Variants in C16orf95 observed in about 807,000 individuals in gnomAD.
C16orf95 encodes the protein uncharacterized protein C16orf95.
In C16orf95, 41 loss-of-function variants were observed where a neutral mutation model predicts 32.1. That is an observed-to-expected ratio of 1.28 (90% CI 1.00 to 1.66). C16orf95 has a LOEUF of 1.66. Ranked by LOEUF, C16orf95 falls within the 40% of genes most tolerant of loss-of-function variation. C16orf95 has a pLI of 0.00. For synonymous variants in C16orf95, 147 were observed against 128.9 expected (o/e 1.14, Z -0.95); for missense variants, 399 against 325.9 (o/e 1.22, Z -1.73).
At chr16:87,313,633 G>T (rs1390104726) in intron 3 of C16orf95, among the ~76,000 whole-genome samples, 1 of 152,114 alleles carries the variant, frequency 6.6e-6, no homozygotes, top group East Asian at 1.9e-4. Context: ...TACTTGGGGG[G>T]TGAGGGGGGA....
rs142939427 is a variant in C16orf95, at chr16:87,303,443, G to A, written c.702-368C>T. ...AAGCCCACCCTCTCCCCCCACCCCC[G>A]GCTGCTGTAGCACATCTCTCCAGGC... On this transcript the variant is annotated intron_variant, in intron 6 of 6. Coordinates refer to ENST00000567970, the MANE Select transcript of C16orf95 (RefSeq NM_001195124.3). 2.4e-3 allele frequency: 540 copies of A among 227,830 alleles called. 5 individuals are homozygous for A. The highest frequency in any genetic ancestry group is 0.012 in the African/African-American group (524 of 45,386). The allele number at this position is 227,830 out of a possible 1,614,324, so 14.1% of individuals were successfully genotyped here.
rs529458654 is a variant in C16orf95 at position 87,313,167 on chromosome 16, A to G, written c.330+1804T>C. 2.0e-5 allele frequency among the ~76,000 whole-genome samples: 3 copies of G among 151,600 alleles called. No homozygotes were observed. The Admixed American group carries it at 2.0e-4, about 10-fold the overall frequency. ...AGGGTACTTTTGTAGAAACTGACAA[A>G]CTGATTCTAAAATTCACATGGAAAT... On this transcript the variant is annotated intron_variant, in intron 3 of 6. Coordinates refer to ENST00000567970, the MANE Select transcript of C16orf95 (RefSeq NM_001195124.3).
At position 87,311,242 on chromosome 16, in the gene C16orf95, G is replaced by C. The variant is rs1038489379; in HGVS notation, c.385C>G (p.Leu129Val). 2 of 1,535,868 alleles carry C rather than the reference G, an allele frequency of 1.3e-6. No homozygotes were observed. The highest frequency in any genetic ancestry group is 1.7e-6 in the Non-Finnish European group (2 of 1,146,680). The change falls in exon 4 of 7, where the codon CTA becomes GTA. Residue 129 changes from leucine (L) to valine (V), a missense_variant. Physicochemically the swap from Leu to Val is conservative, Grantham distance 32. Transcript: ENST00000567970. ...IPQTAKMCPC[L>V]CHRFGGRLPM... ...AGGCGGCCCCCAAAGCGGTGGCATA[G>C]GCAGGGGCACATCTTGGCGGTTTGG...
intron 4 of C16orf95, among the ~76,000 whole-genome samples, 155 bp from the exon 5 acceptor site, chr16:87,310,488 G>A (rs980173527): frequency 3.9e-5 from 6 of 152,210 alleles, no homozygotes; most frequent in African/African-American, 1.4e-4. Context: ...TCTTTTCTCT[G>A]AGGACAGCCT....
At chr16:87,304,204 C>G (rs1378126284) in intron 6 of C16orf95, among the ~76,000 whole-genome samples, 1 of 152,104 alleles carries the variant, frequency 6.6e-6, no homozygotes, top group Non-Finnish European at 1.5e-5. Flanking sequence ...GAGATGGGGT[C>G]TCACTATGTT....
At position 87,317,141 on chromosome 16, in the gene C16orf95, C is replaced by A; in HGVS notation, c.102G>T (p.Gly34=). Residue 34 remains glycine (G), a synonymous_variant, in exon 1 of 7, where the codon GGG becomes GGT. Coordinates refer to ENST00000567970, the MANE Select transcript of C16orf95 (RefSeq NM_001195124.3). ...SGAAAGGPGA[G]CVGLCRLALT... ...GTGCCAACCTGCAGAGCCCGACGCACCCCGCGCCCGGCCCCCCGGCAGCAG... is the reference window on the plus strand; with the variant it reads ...GTGCCAACCTGCAGAGCCCGACGCAACCCGCGCCCGGCCCCCCGGCAGCAG... 2 of 1,534,248 alleles carry A rather than the reference C, an allele frequency of 1.3e-6. No individual in the cohort carries two copies. Among genetic ancestry groups the A allele is most frequent in the South Asian group, 2.4e-5 (2 of 83,768 alleles).
intron 5 of C16orf95, among the ~76,000 whole-genome samples, chr16:87,308,732 C>A (rs1218315462): frequency 1.3e-5 from 2 of 152,178 alleles, no homozygotes; most frequent in Non-Finnish European, 2.9e-5. Flanking sequence ...TACAATTCTT[C>A]AAAGAAATGT....
intron 3 of C16orf95, among the ~76,000 whole-genome samples, chr16:87,312,950 G>A (rs1353443675): frequency 6.6e-6 from 1 of 151,994 alleles, no homozygotes; most frequent in South Asian, 2.1e-4. Context: ...AATACTTATG[G>A]GTAAATCTGA....
At position 87,317,135 on chromosome 16, in the gene C16orf95, G is replaced by C. The variant is rs1195372329; in HGVS notation, c.108C>G (p.Val36=). Residue 36 remains valine (V), a synonymous_variant, in exon 1 of 7, where the codon GTC becomes GTG. Coordinates refer to ENST00000567970, the MANE Select transcript of C16orf95 (RefSeq NM_001195124.3). ...GTGTGAGTGCCAACCTGCAGAGCCC[G>C]ACGCACCCCGCGCCCGGCCCCCCGG... ...AAAGGPGAGC[V]GLCRLALTPS... is the part of the protein sequence containing the mutation. The C allele has an allele frequency of 6.5e-7, 1 of 1,533,952 alleles. No homozygotes were observed. The highest frequency in any genetic ancestry group is 8.7e-7 in the Non-Finnish European group (1 of 1,145,774).
intron 1 of C16orf95, 46 bp from the exon 2 acceptor site, chr16:87,315,869 G>C: frequency 6.9e-7 from 1 of 1,449,876 alleles, no homozygotes. Flanking sequence ...TAAACTAGGG[G>C]GCAGGGATGC....
At chr16:87,317,041 T>A in intron 1 of C16orf95, 50 bp downstream of exon 1, 1 of 1,463,636 alleles carries the variant, frequency 6.8e-7, no homozygotes, top group South Asian at 1.3e-5. Flanking sequence ...GGCCGGGAAC[T>A]CACAGGCGAG....
chr16:87,314,656 T>A (rs1904304319), intron 3 of C16orf95, among the ~76,000 whole-genome samples: 1 of 152,112 alleles, frequency 6.6e-6, no homozygotes, highest in Non-Finnish European at 1.5e-5. Context: ...CACGTGCAGT[T>A]TATCACATGC....
At chr16:87,310,160 G>T (rs1417193789) in intron 5 of C16orf95, 137 bp downstream of exon 5, 1 of 890,000 alleles carries the variant, frequency 1.1e-6, no homozygotes, top group Non-Finnish European at 1.8e-6. Flanking sequence ...GCAGGGGAAG[G>T]GAAGCCACAT....
At chr16:87,303,124 C>T in intron 6 of C16orf95, 49 bp from the exon 7 acceptor site, 1 of 1,532,686 alleles carries the variant, frequency 6.5e-7, no homozygotes, top group Non-Finnish European at 8.7e-7. Context: ...CAGGCTGAGA[C>T]CAGCTGCCCT....
Position 87,305,238 on chromosome 16 carries a change from G to A in C16orf95, c.701+481C>T, listed in dbSNP as rs928528813. Among the ~76,000 whole-genome samples, 1 of 152,164 alleles carries A rather than the reference G, an allele frequency of 6.6e-6. No individual in the cohort carries two copies. Among genetic ancestry groups the A allele is most frequent in the Non-Finnish European group, 1.5e-5 (1 of 68,020 alleles). ...GGGGCGAAACTCGAAGCCTGGGCGA[G>A]GATAGGGACTAGAGACCAGGGGAAG... On this transcript the variant is annotated intron_variant, in intron 6 of 6. Transcript: ENST00000567970. The surrounding 1 kb of genome is among the most constrained non-coding windows in gnomAD (Gnocchi z 4.2).
intron 3 of C16orf95, among the ~76,000 whole-genome samples, chr16:87,311,762 G>A (rs1911294066): frequency 6.6e-6 from 1 of 152,246 alleles, no homozygotes; most frequent in African/African-American, 2.4e-5. Flanking sequence ...CCACTTGCAG[G>A]AATGTGTCCC....
At chr16:87,312,094 T>C (rs1257790472) in intron 3 of C16orf95, among the ~76,000 whole-genome samples, 1 of 152,238 alleles carries the variant, frequency 6.6e-6, no homozygotes, top group Non-Finnish European at 1.5e-5. Context: ...CCTCAGTTCC[T>C]CACCCTCCCT....
chr16:87,309,389 T>G (rs928357877), intron 5 of C16orf95, among the ~76,000 whole-genome samples: 2 of 132,938 alleles, frequency 1.5e-5, no homozygotes, highest in Non-Finnish European at 3.2e-5. Context: ...TTTTTTTTTT[T>G]TTTTTTTTTT....
rs774289021 is a variant in C16orf95 at position 87,317,116 on chromosome 16, G to A, written c.127C>T (p.Leu43Phe). 8.0e-5 allele frequency: 122 copies of A among 1,531,174 alleles called. 1 individual carries two copies. The South Asian group carries it at 1.4e-3, about 18-fold the overall frequency. 94.8% of individuals were successfully genotyped at this position (1,531,174 alleles called of 1,614,324 possible). A position where few individuals can be genotyped will look rare whatever the true frequency, so the allele number is the denominator to read the frequency against. Residue 43 changes from leucine to phenylalanine, a missense_variant, in exon 1 of 7, where the codon CTC becomes TTC. By Grantham distance (22) the Leu-to-Phe change is conservative (BLOSUM62 0). Transcript: ENST00000567970. ...AGCVGLCRLA[L>F]TPSAQDGRNS... ...CTGCCATCCTGCGCGCTGGGTGTGA[G>A]TGCCAACCTGCAGAGCCCGACGCAC...
Sources: gnomAD v4.1 joint callset for allele counts (sites outside exome capture counted in the v4.1 genomes callset) on GRCh38, gnomAD v4.1.1 for gene constraint, Gnocchi (gnomAD v3.1) non-coding constraint, MANE v1.5 for transcripts, NCBI Gene and HGNC (gene_info 2026-07-23, HGNC 2026-07-21) for gene names.